LY6S: variants seen among roughly 807,000 people sequenced by gnomAD.
LY6S encodes lymphocyte antigen 6 family member S.
chr8:143,043,138 G>A, the LY6S span: 1 of 1,367,632 alleles, frequency 7.3e-7, no homozygotes, highest in Non-Finnish European at 9.8e-7. Flanking sequence ...AGGGCCCAGA[G>A]GAAGACTGAC....
the LY6S span, chr8:143,065,782 T>TTTC: frequency 3.3e-5 from 1 of 30,442 alleles, no homozygotes; most frequent in East Asian, 3.0e-3. Flanking sequence ...TCTTTCTTTC[T>TTTC]TTTTCTTTCT....
chr8:143,072,615 C>A, the LY6S span, among the ~76,000 whole-genome samples: 2 of 107,276 alleles, frequency 1.9e-5, no homozygotes, highest in African/African-American at 9.5e-5. Context: ...AGCCGTCGTC[C>A]TCGGGGTTCC....
chr8:143,072,552 G>A, the LY6S span, among the ~76,000 whole-genome samples: 1 of 132,508 alleles, frequency 7.5e-6, no homozygotes, highest in African/African-American at 3.0e-5. Flanking sequence ...TCGTCCTCGT[G>A]GTCCCTGTTT....
the LY6S span, among the ~76,000 whole-genome samples, chr8:143,061,597 T>C: frequency 0.52 from 78,931 of 152,124 alleles, 23,018 homozygotes; most frequent in Non-Finnish European, 0.64. Context: ...CAGACTAGAG[T>C]GCAATGGTGC....
chr8:143,050,585 C>G, the LY6S span, among the ~76,000 whole-genome samples: 2 of 152,056 alleles, frequency 1.3e-5, no homozygotes, highest in Non-Finnish European at 2.9e-5. Context: ...GAAGACTTGC[C>G]GTGATCAGGC....
chr8:143,052,147 G>T, the LY6S span, among the ~76,000 whole-genome samples: 12 of 151,760 alleles, frequency 7.9e-5, no homozygotes, highest in East Asian at 9.7e-4. Flanking sequence ...CAGGCGTGGT[G>T]GCGGGCGCCT....
the LY6S span, among the ~76,000 whole-genome samples, chr8:143,059,131 C>T: frequency 6.6e-6 from 1 of 152,188 alleles, no homozygotes; most frequent in Non-Finnish European, 1.5e-5. Context: ...GGGTGGCTTG[C>T]CGCCCACATG....
At chr8:143,042,754 C>G in the LY6S span, among the ~76,000 whole-genome samples, 3 of 152,152 alleles carry the variant, frequency 2.0e-5, no homozygotes, top group African/African-American at 4.8e-5. Flanking sequence ...CCTGGCTCCT[C>G]GGCAAGTTAG....
At chr8:143,072,702 G>A in the LY6S span, among the ~76,000 whole-genome samples, 21 of 91,616 alleles carry the variant, frequency 2.3e-4, no homozygotes, top group East Asian at 5.3e-4. Context: ...CCTGTTTGAG[G>A]AGACAGTCGT....
chr8:143,044,741 C>A, the LY6S span: 1 of 1,367,612 alleles, frequency 7.3e-7, no homozygotes, highest in Non-Finnish European at 9.8e-7. Context: ...GGGCACGAGA[C>A]CACGCTGCAG....
chr8:143,070,487 A>ATTTTTTTTTTTTTTTT, the LY6S span, among the ~76,000 whole-genome samples: 1 of 84,068 alleles, frequency 1.2e-5, no homozygotes, highest in Non-Finnish European at 2.0e-5. Flanking sequence ...ATATATATAT[A>ATTTTTTTTTTTTTTTT]TATTTTTTTT....
At chr8:143,041,491 C>T in the LY6S span, among the ~76,000 whole-genome samples, 2 of 152,148 alleles carry the variant, frequency 1.3e-5, no homozygotes, top group African/African-American at 4.8e-5. Context: ...TCATATTGTT[C>T]AAACACACAT....
At chr8:143,068,905 A>C in the LY6S span, among the ~76,000 whole-genome samples, 1 of 152,038 alleles carries the variant, frequency 6.6e-6, no homozygotes, top group Non-Finnish European at 1.5e-5. Flanking sequence ...TGGGTCTGAG[A>C]TCTTATGTCC....
chr8:143,049,129 C>T, the LY6S span: 2 of 533,590 alleles, frequency 3.7e-6, no homozygotes, highest in South Asian at 2.8e-5. Context: ...AAGGGGATGT[C>T]CCACACCCTG....
chr8:143,041,880 G>A, the LY6S span, among the ~76,000 whole-genome samples: 2 of 123,364 alleles, frequency 1.6e-5, no homozygotes, highest in Non-Finnish European at 3.5e-5. Context: ...TCCACCCAGG[G>A]CGTTCTCAGC....
At chr8:143,074,553 A>T in the LY6S span, among the ~76,000 whole-genome samples, 1 of 152,192 alleles carries the variant, frequency 6.6e-6, no homozygotes, top group Admixed American at 6.5e-5. Context: ...TTTTAATAAC[A>T]AATAATGAGC....
chr8:143,059,750 A>G, the LY6S span: 1 of 152,164 alleles, frequency 6.6e-6, no homozygotes, highest in African/African-American at 2.4e-5. Context: ...TACAGTCATG[A>G]GCCACTGTGT....
chr8:143,049,619 G>A, the LY6S span, among the ~76,000 whole-genome samples: 1 of 152,242 alleles, frequency 6.6e-6, no homozygotes, highest in Non-Finnish European at 1.5e-5. Flanking sequence ...CCAGATAGGG[G>A]TTCTCAGGGC....
At chr8:143,056,975 A>T in the LY6S span, 1 of 226,364 alleles carries the variant, frequency 4.4e-6, no homozygotes, top group East Asian at 1.1e-4. Context: ...ATTCATACAT[A>T]TTGGAAGTCT....
Sources: allele counts gnomAD v4.1 joint callset (sites outside exome capture counted in the v4.1 genomes callset), GRCh38; gene constraint gnomAD v4.1.1; transcripts MANE v1.5; gene names NCBI Gene and HGNC (gene_info 2026-07-23, HGNC 2026-07-21).